FYN: variants seen among roughly 807,000 people sequenced by gnomAD.
FYN encodes FYN proto-oncogene, Src family tyrosine kinase.
Under a neutral mutation model 70.2 loss-of-function variants are expected in FYN, and 10 were observed. That is an observed-to-expected ratio of 0.14 (90% CI 0.09 to 0.24). The LOEUF (loss-of-function observed/expected upper bound fraction) is 0.24. Among genes scored for constraint, FYN ranks in the 10% least tolerant of loss-of-function variants. FYN has a pLI of 1.00. For synonymous variants in FYN, 236 were observed against 248.6 expected, an observed-to-expected ratio of 0.95 and a Z score of 0.48; for missense variants, 319 against 673.1, an observed-to-expected ratio of 0.47 and a Z score of 5.82.
At chr6:111,679,317 C>CT (rs1798685307) in intron 12 of FYN, among the ~76,000 whole-genome samples, 1 of 152,222 alleles carries the variant, frequency 6.6e-6, no homozygotes, top group African/African-American at 2.4e-5. Context: ...GCACCTCCCT[C>CT]TTTGTAGTTG....
intron 13 of FYN, among the ~76,000 whole-genome samples, 187 bp downstream of exon 13, chr6:111,674,312 C>T (rs1388188656): frequency 2.6e-5 from 4 of 152,224 alleles, no homozygotes. Flanking sequence ...ATGGTGGCTG[C>T]TTGTCTACAT....
At chr6:111,834,833 C>A (rs1242744942) in intron 2 of FYN, among the ~76,000 whole-genome samples, 1 of 152,202 alleles carries the variant, frequency 6.6e-6, no homozygotes, top group East Asian at 1.9e-4. Context: ...TACCTCACTA[C>A]TACTGACTTC....
chr6:111,871,901 T>C (rs976963302), intron 1 of FYN, among the ~76,000 whole-genome samples: 1 of 152,212 alleles, frequency 6.6e-6, no homozygotes, highest in African/African-American at 2.4e-5. Flanking sequence ...CCACCCGGCA[T>C]CCGGGGGTTC....
At chr6:111,790,164 T>C (rs758360386) in intron 2 of FYN, among the ~76,000 whole-genome samples, 3 of 149,684 alleles carry the variant, frequency 2.0e-5, no homozygotes, top group Non-Finnish European at 4.4e-5. Context: ...GCACACCACA[T>C]ACCTGGAGAA....
chr6:111,786,509 G>A lies in FYN; in HGVS notation c.-81-5874C>T, dbSNP rs55702411. 1.7e-4 allele frequency among the ~76,000 whole-genome samples: 26 copies of A among 152,222 alleles called. No homozygotes were observed. The East Asian group carries it at 2.9e-3, about 17-fold the overall frequency. ...ACTCTTTGCTATTGTGAATAGTGCCGCAATATGTGTGCATGTATCTTTATA... is the reference window on the plus strand; with the variant it reads ...ACTCTTTGCTATTGTGAATAGTGCCACAATATGTGTGCATGTATCTTTATA... On this transcript the variant is annotated intron_variant, in intron 2 of 13. Coordinates refer to ENST00000354650, the MANE Select transcript of FYN (RefSeq NM_002037.5).
chr6:111,699,537 C>A, intron 9 of FYN: 1 of 1,614,050 alleles, frequency 6.2e-7, no homozygotes, highest in African/African-American at 1.3e-5. Flanking sequence ...CAGCGAAACA[C>A]CCCTGACCCA....
chr6:111,719,022 T>C (rs951930883), intron 4 of FYN, among the ~76,000 whole-genome samples: 1 of 152,188 alleles, frequency 6.6e-6, no homozygotes, highest in Admixed American at 6.5e-5. Flanking sequence ...TCTTTCAAAC[T>C]TTTATATAAG....
chr6:111,698,289 A>G lies in FYN; in HGVS notation c.862+1815T>C, dbSNP rs577336838. On this transcript the variant is annotated intron_variant, in intron 9 of 13. Coordinates refer to ENST00000354650, the MANE Select transcript of FYN (RefSeq NM_002037.5). ...GCTGGGATTACAGGCATGCACCACC[A>G]TGCCCGGCTAATTTTGTATTTTTAG... Among the ~76,000 whole-genome samples, 18 of 152,230 alleles carry G rather than the reference A, an allele frequency of 1.2e-4. No homozygotes were observed. The South Asian group carries it at 3.1e-3, about 26-fold the overall frequency.
intron 2 of FYN, among the ~76,000 whole-genome samples, chr6:111,830,538 T>C (rs1003158921): frequency 6.6e-6 from 1 of 152,010 alleles, no homozygotes; most frequent in Admixed American, 6.6e-5. Flanking sequence ...GCAAGATGAC[T>C]GGGAGAGTTT....
At chr6:111,851,029 C>A (rs1195435708) in intron 1 of FYN, among the ~76,000 whole-genome samples, 2 of 147,430 alleles carry the variant, frequency 1.4e-5, no homozygotes, top group East Asian at 3.8e-4. Context: ...GCAACTGCAA[C>A]TTCTTCTCCT....
At chr6:111,756,057 A>G (rs1006158014) in intron 3 of FYN, among the ~76,000 whole-genome samples, 3 of 152,130 alleles carry the variant, frequency 2.0e-5, no homozygotes, top group African/African-American at 7.2e-5. Flanking sequence ...GAGAAGATGA[A>G]CAAAGGAAAA....
At chr6:111,866,043 T>C (rs1774093834) in intron 1 of FYN, among the ~76,000 whole-genome samples, 1 of 152,320 alleles carries the variant, frequency 6.6e-6, no homozygotes, top group East Asian at 1.9e-4. Context: ...ATACACACAA[T>C]ATATTGTCAT....
Position 111,768,714 on chromosome 6 carries a change from C to T in FYN, c.-12+11852G>A, listed in dbSNP as rs186446585. Among the ~76,000 whole-genome samples the T allele has an allele frequency of 2.6e-3, 389 of 152,292 alleles. 2 individuals are homozygous for T. Among genetic ancestry groups the T allele is most frequent in the Non-Finnish European group, 1.4e-3 (96 of 68,028 alleles). ...TTTATATTTCCTTTCCTTTTCTCAT[C>T]CCCAGGCCCATCCATCACTCTCAGT... is the stretch of plus-strand genomic sequence containing the variant. On this transcript the variant is annotated intron_variant, in intron 3 of 13. Coordinates refer to ENST00000354650, the MANE Select transcript of FYN (RefSeq NM_002037.5).
intron 8 of FYN, among the ~76,000 whole-genome samples, chr6:111,701,994 T>G (rs751863283): frequency 6.6e-6 from 1 of 152,170 alleles, no homozygotes. Context: ...AGAGCAATAG[T>G]AGAGGTAAAT....
chr6:111,734,590 C>T (rs1351444444), intron 3 of FYN, among the ~76,000 whole-genome samples: 1 of 152,050 alleles, frequency 6.6e-6, no homozygotes, highest in African/African-American at 2.4e-5. Flanking sequence ...AGGGAGGCTC[C>T]ACTTCTCTCT....
chr6:111,674,375 T>C (rs1798444099), intron 13 of FYN, 124 bp downstream of exon 13: 16 of 1,124,214 alleles, frequency 1.4e-5, no homozygotes, highest in Non-Finnish European at 2.0e-5. Context: ...GGCCATGTTC[T>C]TCAAACTCAA....
chr6:111,706,822 A>C (rs550691690), intron 6 of FYN, among the ~76,000 whole-genome samples: 128 of 152,356 alleles, frequency 8.4e-4, no homozygotes, highest in Non-Finnish European at 1.4e-3. Flanking sequence ...AAAGAACACA[A>C]AGATGTTTGC....
At chr6:111,797,761 T>C (rs1771862705) in intron 2 of FYN, among the ~76,000 whole-genome samples, 1 of 144,900 alleles carries the variant, frequency 6.9e-6, no homozygotes, top group East Asian at 2.0e-4. Flanking sequence ...ACAAAATAAA[T>C]ACATCTTTTT....
chr6:111,739,586 A>G (rs1468792290), intron 3 of FYN, among the ~76,000 whole-genome samples: 1 of 152,158 alleles, frequency 6.6e-6, no homozygotes, highest in Non-Finnish European at 1.5e-5. Flanking sequence ...TTTTTCTTAT[A>G]ATGGTTTCAG....
Sources: gnomAD v4.1 joint callset for allele counts (sites outside exome capture counted in the v4.1 genomes callset) on GRCh38, gnomAD v4.1.1 for gene constraint, MANE v1.5 for transcripts, NCBI Gene and HGNC (gene_info 2026-07-23, HGNC 2026-07-21) for gene names.